EIF3E: variants seen among roughly 807,000 people sequenced by gnomAD.
EIF3E encodes eukaryotic translation initiation factor 3 subunit E, also known as eIF-3 p48.
In EIF3E, 25 loss-of-function variants were observed where a neutral mutation model predicts 59.3. The observed-to-expected ratio is 0.42, with a 90% CI of 0.31 to 0.59. The LOEUF is 0.59. Ranked by LOEUF, EIF3E falls within the 20% of genes least tolerant of loss-of-function variation. The pLI is 0.15. For missense variants in EIF3E, 317 were observed against 534.3 expected (o/e 0.59, Z 4.01); for synonymous variants, 176 against 170.2 (o/e 1.03, Z -0.26).
intron 10 of EIF3E, among the ~76,000 whole-genome samples, chr8:108,212,008 A>G (rs1815219054): frequency 6.6e-6 from 1 of 152,228 alleles, no homozygotes; most frequent in African/African-American, 2.4e-5. Flanking sequence ...AAGAACTTAC[A>G]GTGAGGTACA....
chr8:108,242,409 A>C, intron 1 of EIF3E: 1 of 1,289,432 alleles, frequency 7.8e-7, no homozygotes, highest in Non-Finnish European at 1.0e-6. Flanking sequence ...GGATCCAAAA[A>C]AGCATAATTT....
intron 7 of EIF3E, chr8:108,221,433 A>T (rs1017130543): frequency 6.6e-6 from 1 of 152,156 alleles, no homozygotes; most frequent in African/African-American, 2.4e-5. Context: ...AGAACATGTG[A>T]CAGTTGTGAT....
intron 10 of EIF3E, among the ~76,000 whole-genome samples, chr8:108,210,044 T>A (rs1815177959): frequency 1.7e-5 from 1 of 59,748 alleles, no homozygotes; most frequent in Non-Finnish European, 4.8e-5. Flanking sequence ...CAGTTTAACT[T>A]TTTTTTTTTT....
chr8:108,202,277 G>C (rs116340224), intron 12 of EIF3E, among the ~76,000 whole-genome samples: 2,610 of 152,124 alleles, frequency 0.017, 72 homozygotes, highest in African/African-American at 0.057. Context: ...TATGCAACTT[G>C]AATTCTAATG....
Position 108,217,092 on chromosome 8 carries a change from T to C in EIF3E, c.849+242A>G, listed in dbSNP as rs79793122. ...AAGAGAAACACATACACATAATGTATATATTAAGTGTTCATCTAGCAGACA... is the reference window on the plus strand; with the variant it reads ...AAGAGAAACACATACACATAATGTACATATTAAGTGTTCATCTAGCAGACA... On this transcript the variant is annotated intron_variant, in intron 8 of 12. Transcript: ENST00000220849. Among the ~76,000 whole-genome samples the C allele has an allele frequency of 7.3e-3, 1,113 of 152,258 alleles. 15 individuals carry two copies. The highest frequency in any genetic ancestry group is 0.025 in the African/African-American group (1,055 of 41,558).
chr8:108,242,002 T>C (rs1815845502), intron 1 of EIF3E, 89 bp from the exon 2 acceptor site: 1 of 1,221,304 alleles, frequency 8.2e-7, no homozygotes. Flanking sequence ...GGAAATATAT[T>C]TCAAGAAATA....
chr8:108,229,357 CA>C lies in EIF3E; in HGVS notation c.472-163del, dbSNP rs200159333. 2.3e-3 allele frequency: 1,405 copies of C among 612,936 alleles called. 13 individuals carry two copies. In the African/African-American group the frequency reaches 0.024, roughly 11 times the overall value. The allele number at this position is 612,936 out of a possible 1,614,324, so 38.0% of individuals were successfully genotyped here. ...CTTATTGGATCACACTGGTTTGTTT[CA>C]AAAAACCTTTGCTAAAAATACTCAG... On this transcript the variant is annotated intron_variant, in intron 5 of 12. Transcript: ENST00000220849.
chr8:108,208,465 A>G (rs1036094197), intron 10 of EIF3E, among the ~76,000 whole-genome samples: 1 of 152,270 alleles, frequency 6.6e-6, no homozygotes, highest in African/African-American at 2.4e-5. Context: ...GACAAAGAAA[A>G]GAGGAGAAAA....
At chr8:108,209,078 A>C (rs1395219778) in intron 10 of EIF3E, among the ~76,000 whole-genome samples, 1 of 145,186 alleles carries the variant, frequency 6.9e-6, no homozygotes, top group Non-Finnish European at 1.5e-5. Flanking sequence ...CTATTAACAG[A>C]GAATGTTCCA....
chr8:108,248,685 C>A lies in EIF3E; in HGVS notation c.18G>T (p.Leu6Phe). 1 of 1,614,188 alleles carries A rather than the reference C, an allele frequency of 6.2e-7. No homozygotes were observed. Among genetic ancestry groups the A allele is most frequent in the Non-Finnish European group, 8.5e-7 (1 of 1,180,024 alleles). Residue 6 changes from leucine (L) to phenylalanine (F), a missense_variant, in exon 1 of 13, where the codon TTG becomes TTT. By Grantham distance (22) the Leu-to-Phe change is conservative (BLOSUM62 0). Coordinates refer to ENST00000220849, the MANE Select transcript of EIF3E (RefSeq NM_001568.3). ...CCAAAAAGTGCGCGATGCGAGTAGTCAAGTCGTACTCCGCCATCTTGCCAA... is the reference window on the plus strand; with the variant it reads ...CCAAAAAGTGCGCGATGCGAGTAGTAAAGTCGTACTCCGCCATCTTGCCAA... Reference protein sequence around the residue: MAEYDLTTRIAHFLDR... With the variant: MAEYDFTTRIAHFLDR...
At chr8:108,206,092 T>C (rs1284204261) in intron 10 of EIF3E, among the ~76,000 whole-genome samples, 3 of 152,104 alleles carry the variant, frequency 2.0e-5, no homozygotes, top group African/African-American at 7.2e-5. Flanking sequence ...CCTTCATAAA[T>C]ATAACATGCC....
chr8:108,203,503 G>A lies in EIF3E; in HGVS notation c.1062C>T (p.Asn354=), dbSNP rs761829913. 1 of 1,611,956 alleles carries A rather than the reference G, an allele frequency of 6.2e-7. No homozygotes were observed. The highest frequency in any genetic ancestry group is 8.5e-7 in the Non-Finnish European group (1 of 1,178,592). Residue 354 remains asparagine (N), a splice_region_variant and synonymous_variant, in exon 11 of 13, where the codon AAC becomes AAT. Transcript: ENST00000220849. The part of the protein sequence containing the change: ...FCRIHQCISI[N]MLADKLNMTP... Reference sequence around the variant, plus strand: ...TCATGTTCAATTTATCTGCCAACATGCTAATGAAAAAGTAAAAACAGCAAT... The same window carrying A: ...TCATGTTCAATTTATCTGCCAACATACTAATGAAAAAGTAAAAACAGCAAT...
intron 12 of EIF3E, 69 bp from the exon 13 acceptor site, chr8:108,201,992 A>G: frequency 7.2e-7 from 1 of 1,394,130 alleles, no homozygotes; most frequent in Non-Finnish European, 9.7e-7. Context: ...AACATAGAAG[A>G]AAGTAACACA....
intron 12 of EIF3E, among the ~76,000 whole-genome samples, chr8:108,202,237 T>C (rs1815007582): frequency 6.6e-6 from 1 of 152,138 alleles, no homozygotes. Context: ...AGTTACTTTC[T>C]AGGCTCAGTT....
At chr8:108,241,344 C>G (rs1006338845) in intron 2 of EIF3E, among the ~76,000 whole-genome samples, 1 of 152,002 alleles carries the variant, frequency 6.6e-6, no homozygotes, top group African/African-American at 2.4e-5. Flanking sequence ...GGCCAAAAAC[C>G]TGCATTTCTA....
intron 7 of EIF3E, among the ~76,000 whole-genome samples, chr8:108,223,473 T>C (rs1454834495): frequency 6.6e-6 from 1 of 152,196 alleles, no homozygotes; most frequent in Non-Finnish European, 1.5e-5. Flanking sequence ...GAAAGGTCTG[T>C]CTGTACAAAT....
At chr8:108,221,044 A>G (rs1815401578) in intron 7 of EIF3E, among the ~76,000 whole-genome samples, 1 of 151,882 alleles carries the variant, frequency 6.6e-6, no homozygotes, top group Non-Finnish European at 1.5e-5. Flanking sequence ...ACAGGAAAGG[A>G]CAGGACAGGA....
At position 108,248,622 on chromosome 8, in the gene EIF3E, A is replaced by G. The variant is rs757935766; in HGVS notation, c.81T>C (p.Ser27=). The change falls in exon 1 of 13, where the codon TCT becomes TCC. Residue 27 remains serine (S), a synonymous_variant. Coordinates refer to ENST00000220849, the MANE Select transcript of EIF3E (RefSeq NM_001568.3). ...HLVFPLLEFL[S]VKEIYNEKEL... is the part of the protein sequence containing the mutation. The stretch of plus-strand genomic sequence containing the variant: ...CCAAAGACCCCCTCACCTCCTTTAC[A>G]GAGAGAAATTCAAGAAGCGGAAAGA... The G allele has an allele frequency of 3.8e-5, 61 of 1,613,868 alleles. No individual in the cohort carries two copies. The highest frequency in any genetic ancestry group is 5.0e-5 in the Admixed American group (3 of 59,982).
At chr8:108,221,734 C>T (rs755885038) in intron 7 of EIF3E, 6 of 150,830 alleles carry the variant, frequency 4.0e-5, no homozygotes, top group African/African-American at 1.5e-4. Flanking sequence ...GGCAAAAGTG[C>T]AACATATCAT....
Sources: allele counts gnomAD v4.1 joint callset (sites outside exome capture counted in the v4.1 genomes callset), GRCh38; gene constraint gnomAD v4.1.1; transcripts MANE v1.5; gene names NCBI Gene and HGNC (gene_info 2026-07-23, HGNC 2026-07-21).